Variants in PTPRN2 observed in about 807,000 individuals in gnomAD.
PTPRN2 encodes the protein receptor-type tyrosine-protein phosphatase N2.
A neutral mutation model predicts 118.8 loss-of-function variants in PTPRN2; 74 were observed. That is an observed-to-expected ratio of 0.62 (90% CI 0.52 to 0.76). The LOEUF (loss-of-function observed/expected upper bound fraction) is 0.76. Ranked by LOEUF, PTPRN2 falls within the 30% of genes least tolerant of loss-of-function variation. PTPRN2 has a pLI of 0.00. For missense variants in PTPRN2, 1,481 were observed against 1,394.4 expected, an observed-to-expected ratio of 1.06 and a Z score of -0.99; for synonymous variants, 641 against 608.0, an observed-to-expected ratio of 1.05 and a Z score of -0.80.
At chr7:157,588,761 A>G (rs1379581229) in intron 17 of PTPRN2, among the ~76,000 whole-genome samples, 1 of 152,118 alleles carries the variant, frequency 6.6e-6, no homozygotes, top group Non-Finnish European at 1.5e-5. Flanking sequence ...AGACGTCTTC[A>G]TGTCACTGTG....
intron 14 of PTPRN2, among the ~76,000 whole-genome samples, chr7:157,648,436 A>T (rs1805289520): frequency 7.8e-6 from 1 of 128,744 alleles, no homozygotes; most frequent in Admixed American, 7.9e-5. Context: ...GGTCGGACCC[A>T]TTCACTGTGC....
intron 11 of PTPRN2, among the ~76,000 whole-genome samples, chr7:157,962,129 T>G (rs887266394): frequency 1.3e-5 from 2 of 152,212 alleles, no homozygotes; most frequent in Admixed American, 1.3e-4. Context: ...AAGAAGAAAG[T>G]GGGTCATTTT....
intron 11 of PTPRN2, among the ~76,000 whole-genome samples, chr7:158,019,714 C>A (rs193180467): frequency 2.0e-5 from 3 of 151,220 alleles, no homozygotes; most frequent in East Asian, 1.9e-4. Flanking sequence ...TGTGTCCCCT[C>A]CAAGTCCCAC....
At chr7:157,895,616 C>T (rs572575849) in intron 12 of PTPRN2, among the ~76,000 whole-genome samples, 1 of 152,202 alleles carries the variant, frequency 6.6e-6, no homozygotes, top group Admixed American at 6.5e-5. Flanking sequence ...AGTTTTACAG[C>T]AGATTAGACA....
At chr7:157,912,983 T>C (rs1798184856) in intron 11 of PTPRN2, among the ~76,000 whole-genome samples, 1 of 152,194 alleles carries the variant, frequency 6.6e-6, no homozygotes, top group African/African-American at 2.4e-5. Flanking sequence ...AAATGAATAG[T>C]TTTTGGATTT....
At chr7:158,108,367 C>A (rs1320612980) in intron 10 of PTPRN2, among the ~76,000 whole-genome samples, 1 of 152,136 alleles carries the variant, frequency 6.6e-6, no homozygotes, top group Non-Finnish European at 1.5e-5. Context: ...CAGCTCTAGT[C>A]AGACCATCTC....
At chr7:158,337,242 CCAT>C (rs1369438575) in intron 2 of PTPRN2, among the ~76,000 whole-genome samples, 3 of 151,608 alleles carry the variant, frequency 2.0e-5, no homozygotes, top group African/African-American at 7.3e-5. Flanking sequence ...CACATTCTCA[CCAT>C]AAGAGCTGAC....
chr7:158,233,567 A>T (rs1045279958), intron 3 of PTPRN2, among the ~76,000 whole-genome samples: 2 of 152,134 alleles, frequency 1.3e-5, no homozygotes, highest in African/African-American at 4.8e-5. Context: ...GGCTGTAGAC[A>T]TCAGTGTAGT....
chr7:157,907,122 G>T (rs967640394), intron 11 of PTPRN2, among the ~76,000 whole-genome samples: 15 of 152,224 alleles, frequency 9.9e-5, no homozygotes, highest in African/African-American at 3.1e-4. Flanking sequence ...GGGGCGGGAA[G>T]ATGAAGCATA....
chr7:158,485,203 C>G (rs1007020216), intron 2 of PTPRN2, among the ~76,000 whole-genome samples: 1 of 152,142 alleles, frequency 6.6e-6, no homozygotes, highest in African/African-American at 2.4e-5. Flanking sequence ...CCCCACCTGT[C>G]AGTCACCATT....
intron 11 of PTPRN2, among the ~76,000 whole-genome samples, chr7:158,046,733 C>T (rs1808908735): frequency 6.6e-6 from 1 of 152,152 alleles, no homozygotes; most frequent in Non-Finnish European, 1.5e-5. Flanking sequence ...CTGTTAGCCA[C>T]CTTGGCATGC....
intron 2 of PTPRN2, among the ~76,000 whole-genome samples, chr7:158,481,086 A>T (rs966691141): frequency 6.6e-6 from 1 of 152,356 alleles, no homozygotes; most frequent in Middle Eastern, 3.4e-3. Flanking sequence ...ACAGCGCCTG[A>T]CTTCAAAGCT....
At chr7:158,499,654 C>T (rs1822204893) in intron 1 of PTPRN2, among the ~76,000 whole-genome samples, 1 of 152,022 alleles carries the variant, frequency 6.6e-6, no homozygotes, top group South Asian at 2.1e-4. Context: ...GCCTATAATC[C>T]CAGCTACTTG....
chr7:158,071,532 G>A lies in PTPRN2; in HGVS notation c.1723+9766C>T, dbSNP rs537524447. ...GATGCTCGTGGTGGTGGAGATGCTC[G>A]TGATGATGGAGGTGCTCCTGGTGGT... On this transcript the variant is annotated intron_variant, in intron 11 of 22. Coordinates refer to ENST00000389418, the MANE Select transcript of PTPRN2 (RefSeq NM_002847.5). Among the ~76,000 whole-genome samples, 25 of 119,912 alleles carry A rather than the reference G, an allele frequency of 2.1e-4. 1 individual carries two copies. The highest frequency in any genetic ancestry group is 1.1e-3 in the Admixed American group (14 of 12,198). 78.7% of individuals were successfully genotyped at this position (119,912 alleles called of 152,430 possible).
intron 2 of PTPRN2, among the ~76,000 whole-genome samples, chr7:158,443,318 C>A (rs910860073): frequency 6.6e-6 from 1 of 152,234 alleles, no homozygotes; most frequent in Non-Finnish European, 1.5e-5. Context: ...CCGAAGTTGC[C>A]ACCTCTTGCC....
At chr7:158,062,976 A>G (rs1483128262) in intron 11 of PTPRN2, among the ~76,000 whole-genome samples, 2 of 152,236 alleles carry the variant, frequency 1.3e-5, no homozygotes, top group Non-Finnish European at 2.9e-5. Flanking sequence ...CACGACTGGC[A>G]GGCAGCTCCG....
intron 13 of PTPRN2, among the ~76,000 whole-genome samples, chr7:157,677,962 C>G (rs937576201): frequency 6.6e-6 from 1 of 152,188 alleles, no homozygotes; most frequent in African/African-American, 2.4e-5. Flanking sequence ...ACCGAATCCA[C>G]GTCTCGAAAG....
At chr7:157,830,647 G>T (rs1047212547) in intron 12 of PTPRN2, among the ~76,000 whole-genome samples, 1 of 152,236 alleles carries the variant, frequency 6.6e-6, no homozygotes, top group Non-Finnish European at 1.5e-5. Context: ...GTAGTGTGGG[G>T]CAATCCAACA....
At chr7:158,441,017 CGTGGTGGTGGTGACA>C in intron 2 of PTPRN2, among the ~76,000 whole-genome samples, 1 of 122,206 alleles carries the variant, frequency 8.2e-6, no homozygotes, top group Middle Eastern at 4.7e-3. Flanking sequence ...TGGTGGTAGT[CGTGGTGGTGGTGACA>C]GTGGTAGTAG....
Sources: allele counts gnomAD v4.1 joint callset (sites outside exome capture counted in the v4.1 genomes callset), GRCh38; gene constraint gnomAD v4.1.1; transcripts MANE v1.5; gene names NCBI Gene and HGNC (gene_info 2026-07-23, HGNC 2026-07-21).